The following MPP7 variants were observed in gnomAD, a reference collection of about 807,000 sequenced individuals.
MPP7 encodes the protein MAGUK p55 scaffold protein 7, also known as MAGUK p55 subfamily member 7.
In MPP7, 60 loss-of-function variants were observed where a neutral mutation model predicts 76.5. The observed-to-expected ratio is 0.78, with a 90% CI of 0.64 to 0.97. The LOEUF (loss-of-function observed/expected upper bound fraction) is 0.97, where lower values mean the gene tolerates loss of function less well. MPP7 is among the 50% of genes least tolerant of loss of function. The pLI, the probability that MPP7 is intolerant of heterozygous loss-of-function variation, is 0.00. For synonymous variants in MPP7, 237 were observed against 244.5 expected, an observed-to-expected ratio of 0.97 and a Z score of 0.29; for missense variants, 641 against 694.0, an observed-to-expected ratio of 0.92 and a Z score of 0.86.
intron 3 of MPP7, among the ~76,000 whole-genome samples, chr10:28,176,980 ACAAACCTG>A (rs1203618424): frequency 1.3e-5 from 2 of 151,594 alleles, no homozygotes; most frequent in Non-Finnish European, 2.9e-5. Flanking sequence ...TACATACGTA[ACAAACCTG>A]CACATTGTGC....
intron 11 of MPP7, among the ~76,000 whole-genome samples, chr10:28,101,457 G>GAGTA (rs1403340447): frequency 6.6e-6 from 1 of 152,092 alleles, no homozygotes; most frequent in Non-Finnish European, 1.5e-5. Context: ...AAACACCTAG[G>GAGTA]AGTAGATGTG....
rs1323200737 is a variant in MPP7, at chr10:28,072,539, G to A, written c.1124-2687C>T. On this transcript the variant is annotated intron_variant, in intron 12 of 16. Coordinates refer to ENST00000683449, the MANE Select transcript of MPP7 (RefSeq NM_001318170.2). ...ATAATGCACCCCAGTGGGCAGTCCTGCCCCTGTGGAAACCACTCTCTATGA... is the reference window on the plus strand; with the variant it reads ...ATAATGCACCCCAGTGGGCAGTCCTACCCCTGTGGAAACCACTCTCTATGA... Among the ~76,000 whole-genome samples, 5 of 152,180 alleles carry A rather than the reference G, an allele frequency of 3.3e-5. No individual in the cohort carries two copies. In the East Asian group the frequency reaches 9.6e-4, roughly 29 times the overall value.
chr10:28,293,100 G>C (rs1478326619), intron 1 of MPP7, among the ~76,000 whole-genome samples: 6 of 140,586 alleles, frequency 4.3e-5, no homozygotes, highest in Non-Finnish European at 9.2e-5. Context: ...TTTAATGAAA[G>C]ATTTCAAAGA....
intron 13 of MPP7, among the ~76,000 whole-genome samples, chr10:28,060,149 A>G (rs1033424745): frequency 1.3e-5 from 2 of 151,984 alleles, no homozygotes; most frequent in Non-Finnish European, 2.9e-5. Context: ...AAACTCTGAA[A>G]CTGTTTGACT....
rs573115652 is a variant in MPP7, at chr10:28,090,049, C to T, written c.953-208G>A. ...CATCACAGCTTACTGCAGTGTTGAA[C>T]TCCTGGGCTCAAGCGATCCTCCCAC... On this transcript the variant is annotated intron_variant, in intron 11 of 16. Transcript: ENST00000683449. 7.2e-5 allele frequency among the ~76,000 whole-genome samples: 11 copies of T among 152,242 alleles called. No homozygotes were observed. The East Asian group carries it at 2.1e-3, about 29-fold the overall frequency.
In MPP7 at chr10:28,298,826, C is replaced by T. The variant is rs554293020; in HGVS notation, c.-132+4035G>A. ...TTAGCTAGATATTCTGGATAACATG[C>T]TACAGCTTCTATATCAGCATTTGCT... On this transcript the variant is annotated intron_variant, in intron 1 of 16. Transcript: ENST00000683449. 5.3e-5 allele frequency among the ~76,000 whole-genome samples: 8 copies of T among 152,346 alleles called. No homozygotes were observed. The South Asian group carries it at 6.2e-4, about 12-fold the overall frequency.
chr10:28,331,274 T>C (rs1589050781), intron 1 of MPP7, among the ~76,000 whole-genome samples: 1 of 152,146 alleles, frequency 6.6e-6, no homozygotes, highest in African/African-American at 2.4e-5. Context: ...ACTTCCTTCT[T>C]CTCTTCCTTT....
rs551016082 is a variant in MPP7, at chr10:28,178,150, G to A, written c.156+24003C>T. ...GTTGTGAGGGGCTTTCCTGTCTATCGCAGGATGTTCAGCAGCATCCCTGAG... is the reference window on the plus strand; with the variant it reads ...GTTGTGAGGGGCTTTCCTGTCTATCACAGGATGTTCAGCAGCATCCCTGAG... On this transcript the variant is annotated intron_variant, in intron 3 of 16. Coordinates refer to ENST00000683449, the MANE Select transcript of MPP7 (RefSeq NM_001318170.2). Among the ~76,000 whole-genome samples the A allele has an allele frequency of 1.2e-4, 18 of 151,992 alleles. No individual in the cohort carries two copies. In the East Asian group the frequency reaches 2.1e-3, roughly 18 times the overall value.
chr10:28,059,876 TA>T, intron 13 of MPP7, 133 bp from the exon 14 acceptor site: 1 of 647,698 alleles, frequency 1.5e-6, no homozygotes. Flanking sequence ...GCAAATTAGC[TA>T]ATAAAATACA....
intron 2 of MPP7, among the ~76,000 whole-genome samples, chr10:28,225,358 G>A (rs1335954333): frequency 2.0e-5 from 3 of 151,958 alleles, no homozygotes; most frequent in African/African-American, 7.3e-5. Flanking sequence ...GTCCATCAAA[G>A]GACATTATCA....
At chr10:28,201,564 T>C (rs73608068) in intron 3 of MPP7, among the ~76,000 whole-genome samples, 3,554 of 152,268 alleles carry the variant, frequency 0.023, 141 homozygotes, top group African/African-American at 0.081. Context: ...TGTTGCTGTA[T>C]GGCCAGACCC....
At chr10:28,317,186 A>G (rs1834332499) in intron 2 of MPP7, among the ~76,000 whole-genome samples, 1 of 152,190 alleles carries the variant, frequency 6.6e-6, no homozygotes, top group Non-Finnish European at 1.5e-5. Context: ...AAAAGCTTCT[A>G]TGCTAATCCC....
At position 28,131,586 on chromosome 10, in the gene MPP7, G is replaced by T; in HGVS notation, c.421C>A (p.Arg141Ser). ...AGTGGTTCTCTATTTTTGACCAGAC[G>T]GATTATTTTTACTGAGTCTTCCTCA... is the stretch of plus-strand genomic sequence containing the variant. ...DDEEDSVKIIRLVKNREPLGA... is the reference protein window; with the variant it reads ...DDEEDSVKIISLVKNREPLGA... Residue 141 changes from arginine (R) to serine (S), a missense_variant, in exon 6 of 17, where the codon CGT becomes AGT. Arg to Ser is a moderately radical substitution (Grantham distance 110, BLOSUM62 -1). Coordinates refer to ENST00000683449, the MANE Select transcript of MPP7 (RefSeq NM_001318170.2). 6.2e-7 allele frequency: 1 copy of T among 1,601,458 alleles called. No homozygotes were observed. Among genetic ancestry groups the T allele is most frequent in the South Asian group, 1.1e-5 (1 of 90,760 alleles).
chr10:28,189,103 T>C lies in MPP7; in HGVS notation c.156+13050A>G, dbSNP rs141166866. ...TTTGTTTTATTCTTAATTGATCTAA[T>C]AGATAACTGTTCAGAGTAATAATAT... On this transcript the variant is annotated intron_variant, in intron 3 of 16. Transcript: ENST00000683449. Among the ~76,000 whole-genome samples, 445 of 152,318 alleles carry C rather than the reference T, an allele frequency of 2.9e-3. 1 individual carries two copies. The highest frequency in any genetic ancestry group is 9.9e-3 in the African/African-American group (412 of 41,570).
chr10:28,213,791 CAAAAAAAAAAA>C (rs575725136), intron 2 of MPP7, among the ~76,000 whole-genome samples: 1 of 58,080 alleles, frequency 1.7e-5, no homozygotes, highest in Non-Finnish European at 3.7e-5. Flanking sequence ...GACTCTGTCT[CAAAAAAAAAAA>C]AAAAAAAAGA....
At chr10:28,289,634 G>T (rs1589032015) in intron 1 of MPP7, among the ~76,000 whole-genome samples, 2 of 152,138 alleles carry the variant, frequency 1.3e-5, no homozygotes, top group Non-Finnish European at 2.9e-5. Flanking sequence ...CTTTGCCCTT[G>T]AATCTGCGTG....
chr10:28,085,856 A>C (rs1234080947), intron 12 of MPP7, among the ~76,000 whole-genome samples: 4 of 152,214 alleles, frequency 2.6e-5, no homozygotes, highest in African/African-American at 9.6e-5. Context: ...CTGGGAATTA[A>C]AAAATAAAGT....
chr10:28,100,338 A>G (rs191244202), intron 11 of MPP7, among the ~76,000 whole-genome samples: 2 of 152,270 alleles, frequency 1.3e-5, no homozygotes, highest in Non-Finnish European at 2.9e-5. Flanking sequence ...TTATATGCCA[A>G]TCATAAAATT....
intron 1 of MPP7, among the ~76,000 whole-genome samples, chr10:28,239,953 G>GT (rs895467756): frequency 9.3e-5 from 14 of 151,346 alleles, no homozygotes; most frequent in East Asian, 3.9e-4. Flanking sequence ...GGTTGTTAGG[G>GT]TTTTTTTTTA....
Sources: gnomAD v4.1 joint callset for allele counts (sites outside exome capture counted in the v4.1 genomes callset) on GRCh38, gnomAD v4.1.1 for gene constraint, MANE v1.5 for transcripts, NCBI Gene and HGNC (gene_info 2026-07-23, HGNC 2026-07-21) for gene names.